The following PCDHGB1 variants were observed in gnomAD, a reference collection of about 807,000 sequenced individuals.
PCDHGB1 encodes the protein protocadherin gamma-B1.
PCDHGB1 carries 34 observed loss-of-function variants against 56.6 expected under a neutral mutation model. The ratio of observed to expected loss-of-function variants is 0.60; its 90% CI spans 0.46 to 0.80. The LOEUF is 0.80. PCDHGB1 is among the 30% of genes least tolerant of loss of function. The probability of loss-of-function intolerance (pLI) is 0.00; values close to 1 mark genes in which losing one functional copy is unlikely to be tolerated. For synonymous variants in PCDHGB1, 561 were observed against 505.9 expected (o/e 1.11, Z -1.46); for missense variants, 1,278 against 1,204.6 (o/e 1.06, Z -0.90).
intron 1 of PCDHGB1, among the ~76,000 whole-genome samples, chr5:141,466,790 A>C (rs1240777427): frequency 2.0e-5 from 3 of 152,210 alleles, no homozygotes; most frequent in Non-Finnish European, 2.9e-5. Context: ...TTAGTGCCTC[A>C]AACTAGATCC....
Position 141,490,389 on chromosome 5 carries a change from T to C in PCDHGB1, c.2410-4418T>C, listed in dbSNP as rs1221410350. The C allele has an allele frequency of 6.2e-7, 1 of 1,614,174 alleles. No homozygotes were observed. Among genetic ancestry groups the C allele is most frequent in the African/African-American group, 1.3e-5 (1 of 75,040 alleles). On this transcript the variant is annotated intron_variant, in intron 1 of 3. Transcript: ENST00000523390. The surrounding 1 kb of genome is among the most constrained non-coding windows in gnomAD (Gnocchi z 5.4). The stretch of plus-strand genomic sequence containing the variant: ...GAGACCGGGACTCAGGTAGAAATGG[T>C]GAAGTGAGCCTTGATATCTCTCCGG...
chr5:141,461,864 C>T (rs911351082), intron 1 of PCDHGB1, among the ~76,000 whole-genome samples: 5 of 151,900 alleles, frequency 3.3e-5, no homozygotes, highest in African/African-American at 9.7e-5. Context: ...GCTCTTGTTG[C>T]CCAGGCTGGA....
chr5:141,474,900 T>C (rs577411783), intron 1 of PCDHGB1, among the ~76,000 whole-genome samples: 2 of 152,368 alleles, frequency 1.3e-5, no homozygotes, highest in South Asian at 2.1e-4. Flanking sequence ...TCATTTCTTG[T>C]TCAAGGATAT....
At chr5:141,457,677 T>C (rs1386991642) in intron 1 of PCDHGB1, among the ~76,000 whole-genome samples, 1 of 152,262 alleles carries the variant, frequency 6.6e-6, no homozygotes, top group Non-Finnish European at 1.5e-5. Flanking sequence ...TATTTCTACA[T>C]AGGACTTTTG....
chr5:141,419,515 G>T, intron 1 of PCDHGB1: 1 of 1,612,264 alleles, frequency 6.2e-7, no homozygotes, highest in Non-Finnish European at 8.5e-7. Flanking sequence ...GCGTGTTGGT[G>T]GGCGACCGTA....
At chr5:141,454,428 CAG>C (rs1412897540) in intron 1 of PCDHGB1, among the ~76,000 whole-genome samples, 1 of 152,172 alleles carries the variant, frequency 6.6e-6, no homozygotes, top group Admixed American at 6.5e-5. Flanking sequence ...TATTTAGAGA[CAG>C]AGTTTCACTC....
intron 1 of PCDHGB1, chr5:141,394,087 C>G (rs2092917292): frequency 6.2e-7 from 1 of 1,613,770 alleles, no homozygotes; most frequent in Admixed American, 1.7e-5. Flanking sequence ...GTGATGGCCT[C>G]AGATCTAGGA....
At chr5:141,428,987 T>G (rs1185184865) in intron 1 of PCDHGB1, 2 of 152,288 alleles carry the variant, frequency 1.3e-5, no homozygotes, top group Non-Finnish European at 2.9e-5. Context: ...CCCGGGTAGC[T>G]GGGACTACAG....
intron 1 of PCDHGB1, among the ~76,000 whole-genome samples, chr5:141,460,135 T>G (rs2098983196): frequency 6.6e-6 from 1 of 152,044 alleles, no homozygotes; most frequent in South Asian, 2.1e-4. Flanking sequence ...ATATATATAT[T>G]CTTGATGTGA....
intron 1 of PCDHGB1, chr5:141,360,189 G>C: frequency 6.2e-7 from 1 of 1,611,554 alleles, no homozygotes; most frequent in Non-Finnish European, 8.5e-7. Flanking sequence ...AGGTACTGTT[G>C]CCCTTCCTGT....
intron 1 of PCDHGB1, chr5:141,376,294 C>T (rs572453488): frequency 9.9e-6 from 16 of 1,614,226 alleles, no homozygotes; most frequent in East Asian, 2.2e-5. Context: ...GCATGCCCGG[C>T]TCGCACTTTG....
chr5:141,481,913 C>CA (rs34114744), intron 1 of PCDHGB1, among the ~76,000 whole-genome samples: 1,134 of 90,654 alleles, frequency 0.013, 16 homozygotes, highest in East Asian at 0.053. Flanking sequence ...AACTCCATCT[C>CA]AAAAAAAAAA....
intron 1 of PCDHGB1, chr5:141,418,256 T>C: frequency 1.2e-6 from 2 of 1,614,046 alleles, no homozygotes; most frequent in Non-Finnish European, 1.7e-6. Context: ...CGCCCCTCAA[T>C]TCCGGAAAGA....
intron 1 of PCDHGB1, chr5:141,357,013 T>C (rs1242867628): frequency 1.2e-6 from 2 of 1,614,118 alleles, no homozygotes; most frequent in South Asian, 2.2e-5. Flanking sequence ...TGCCTGGCTG[T>C]CCTACAGCCT....
chr5:141,432,610 C>T lies in PCDHGB1; in HGVS notation c.2410-62197C>T, dbSNP rs1481968343. 9.3e-6 allele frequency: 15 copies of T among 1,613,954 alleles called. No homozygotes were observed. Among genetic ancestry groups the T allele is most frequent in the Non-Finnish European group, 1.3e-5 (15 of 1,179,978 alleles). On this transcript the variant is annotated intron_variant, in intron 1 of 3. Transcript: ENST00000523390. This position sits in a 1 kb window ranked among gnomAD's most constrained non-coding sequence, Gnocchi z 6.0. The stretch of plus-strand genomic sequence containing the variant: ...TCAAGGCCAGCGAGCCGGGACTCTT[C>T]TCGGTGGGTCTGCACACGGGCGAGG...
chr5:141,492,332 G>A (rs2099739439), intron 1 of PCDHGB1, among the ~76,000 whole-genome samples: 1 of 152,204 alleles, frequency 6.6e-6, no homozygotes. Flanking sequence ...GGGCTTACGC[G>A]AATACCAGCT....
rs1410729947 is a variant in PCDHGB1 at position 141,493,256 on chromosome 5, T to TA, written c.2410-1550dup. 3.3e-5 allele frequency among the ~76,000 whole-genome samples: 5 copies of TA among 152,306 alleles called. No homozygotes were observed. The highest frequency in any genetic ancestry group is 1.2e-4 in the African/African-American group (5 of 41,570). ...TGGCTAGGTACTAACATGCCTCTCT[T>TA]ATAACAGCTTCACAGAGGTCAAGTG... On this transcript the variant is annotated intron_variant, in intron 1 of 3. Transcript: ENST00000523390. This position sits in a 1 kb window ranked among gnomAD's most constrained non-coding sequence, Gnocchi z 4.3.
chr5:141,459,595 T>C (rs904266180), intron 1 of PCDHGB1, among the ~76,000 whole-genome samples: 10 of 152,232 alleles, frequency 6.6e-5, no homozygotes, highest in African/African-American at 9.6e-5. Context: ...TCATATGAAA[T>C]GGGAAGTATA....
chr5:141,371,514 C>A (rs781132718), intron 1 of PCDHGB1: 1 of 1,613,792 alleles, frequency 6.2e-7, no homozygotes, highest in South Asian at 1.1e-5. Context: ...AACACATGAT[C>A]TAGATTCTGG....
Sources: allele counts gnomAD v4.1 joint callset (sites outside exome capture counted in the v4.1 genomes callset), GRCh38; gene constraint gnomAD v4.1.1; non-coding constraint Gnocchi (gnomAD v3.1); transcripts MANE v1.5; gene names NCBI Gene and HGNC (gene_info 2026-07-23, HGNC 2026-07-21).